Variants in PCNT observed in about 807,000 individuals in gnomAD.
PCNT encodes the protein kendrin.
In PCNT, 319 loss-of-function variants were observed where a neutral mutation model predicts 380.4. The ratio of observed to expected loss-of-function variants is 0.84; its 90% CI spans 0.77 to 0.92. The LOEUF is 0.92. PCNT is among the 40% of genes least tolerant of loss of function. The pLI is 0.00. For synonymous variants in PCNT, 1,845 were observed against 1,735.2 expected (o/e 1.06, Z -1.57); for missense variants, 4,400 against 4,255.3 (o/e 1.03, Z -0.95).
At chr21:46,352,476 C>G (rs1036155789) in intron 9 of PCNT, among the ~76,000 whole-genome samples, 25 of 152,156 alleles carry the variant, frequency 1.6e-4, no homozygotes, top group Non-Finnish European at 1.2e-4. Flanking sequence ...TCTGTCCTGC[C>G]TCTCGGGACC....
At chr21:46,426,083 T>TTC (rs2147911309) in intron 33 of PCNT, 112 bp downstream of exon 33, 3 of 1,076,838 alleles carry the variant, frequency 2.8e-6, no homozygotes, top group East Asian at 2.6e-5. Context: ...TTTTTTTTTT[T>TTC]TTTTTTTTTT....
intron 27 of PCNT, among the ~76,000 whole-genome samples, chr21:46,410,142 G>A (rs1356525247): frequency 6.6e-5 from 10 of 152,238 alleles, no homozygotes; most frequent in East Asian, 3.8e-4. Flanking sequence ...TAAGGCACGC[G>A]ACGGGGAGCA....
chr21:46,420,114 G>A (rs993732171), intron 31 of PCNT, among the ~76,000 whole-genome samples: 18 of 152,072 alleles, frequency 1.2e-4, no homozygotes, highest in South Asian at 2.1e-4. Flanking sequence ...AGGGGCCTGC[G>A]CGGTCAGGGT....
chr21:46,427,345 G>A (rs986997415), intron 33 of PCNT, among the ~76,000 whole-genome samples: 11 of 152,222 alleles, frequency 7.2e-5, no homozygotes, highest in Non-Finnish European at 4.4e-5. Context: ...TTAAACAGCA[G>A]ACATTGATTT....
rs773387974 is a variant in PCNT at position 46,334,665 on chromosome 21, C to T, written c.536C>T (p.Pro179Leu). 84 of 1,605,788 alleles carry T rather than the reference C, an allele frequency of 5.2e-5. 1 individual carries two copies. Among genetic ancestry groups the T allele is most frequent in the South Asian group, 2.3e-4 (21 of 90,192 alleles). ...RGMFTISDHQ[P>L]EQRGMFTVSD... ...ATGTTCACAATCAGTGACCACCAAC[C>T]GGAACAGCGTGGGATGTTCACAGTC... The change falls in exon 3 of 47, where the codon CCG becomes CTG. Residue 179 changes from proline to leucine, a missense_variant. By Grantham distance (98) the Pro-to-Leu change is moderately conservative. Coordinates refer to ENST00000359568, the MANE Select transcript of PCNT (RefSeq NM_006031.6).
chr21:46,393,374 C>T (rs1354253841), intron 21 of PCNT, among the ~76,000 whole-genome samples: 1 of 152,178 alleles, frequency 6.6e-6, no homozygotes, highest in Admixed American at 6.5e-5. Context: ...GCATCTTTGC[C>T]CTGGCGGTGC....
At chr21:46,427,194 G>A (rs2087544374) in intron 33 of PCNT, among the ~76,000 whole-genome samples, 2 of 152,248 alleles carry the variant, frequency 1.3e-5, no homozygotes, top group African/African-American at 4.8e-5. Context: ...AGTCTCTTCT[G>A]TGCTCATGAT....
At chr21:46,334,861 T>G in intron 3 of PCNT, 93 bp downstream of exon 3, 1 of 1,577,360 alleles carries the variant, frequency 6.3e-7, no homozygotes, top group Non-Finnish European at 8.7e-7. Flanking sequence ...CTTCCATCTC[T>G]GCAGGGCCTC....
chr21:46,368,568 C>T (rs1315867974), intron 15 of PCNT, among the ~76,000 whole-genome samples: 2 of 152,246 alleles, frequency 1.3e-5, no homozygotes, highest in Non-Finnish European at 1.5e-5. Flanking sequence ...AGCTGCAGTG[C>T]CTGTGACTCA....
chr21:46,373,513 C>T (rs2085224779), intron 15 of PCNT, among the ~76,000 whole-genome samples: 1 of 146,716 alleles, frequency 6.8e-6, no homozygotes, highest in South Asian at 2.2e-4. Context: ...CTCACTGCAA[C>T]CTCTGCCTCC....
At chr21:46,410,867 C>T (rs899117814) in intron 27 of PCNT, among the ~76,000 whole-genome samples, 1 of 152,164 alleles carries the variant, frequency 6.6e-6, no homozygotes, top group Admixed American at 6.6e-5. Flanking sequence ...TCAAACAAAT[C>T]AAAGTTGTTT....
intron 13 of PCNT, among the ~76,000 whole-genome samples, chr21:46,358,329 C>T (rs2084554857): frequency 6.6e-6 from 1 of 152,224 alleles, no homozygotes; most frequent in Non-Finnish European, 1.5e-5. Flanking sequence ...CTTTGCTCCT[C>T]CCTGTGAATG....
chr21:46,408,531 G>A (rs577964097), intron 27 of PCNT, among the ~76,000 whole-genome samples: 59 of 152,184 alleles, frequency 3.9e-4, no homozygotes, highest in Non-Finnish European at 8.4e-4. Flanking sequence ...ATAGATGAGT[G>A]TTCCGGGTAA....
rs1360332682 is a variant in PCNT at position 46,427,666 on chromosome 21, G to A, written c.7365G>A (p.Gln2455=). ...ACPDWRGDLL[Q]VVQEAFEKEQ... ...CCGATTGGAGAGGGGACCTTCTGCA[G>A]GTTGTGCAAGAGGCCTTTGAAAAAG... Residue 2455 remains glutamine (Q), a synonymous_variant, in exon 34 of 47, where the codon CAG becomes CAA. Coordinates refer to ENST00000359568, the MANE Select transcript of PCNT (RefSeq NM_006031.6). 6.2e-7 allele frequency: 1 copy of A among 1,614,002 alleles called. No homozygotes were observed. Among genetic ancestry groups the A allele is most frequent in the Admixed American group, 1.7e-5 (1 of 60,034 alleles).
rs186112058 is a variant in PCNT at position 46,366,855 on chromosome 21, G to C, written c.2881G>C (p.Glu961Gln). The change falls in exon 15 of 47, where the codon GAG becomes CAG. Residue 961 changes from glutamate to glutamine, a missense_variant. Glu to Gln is a conservative substitution (Grantham distance 29). Coordinates refer to ENST00000359568, the MANE Select transcript of PCNT (RefSeq NM_006031.6). ...ACACGCTGCCGACCTCGGCGCTCTG[G>C]AGACCAGACATCTGTCCAGCCTTGA... ...TKHAADLGAL[E>Q]TRHLSSLDSL... 3.4e-5 allele frequency: 55 copies of C among 1,614,104 alleles called. No homozygotes were observed. The highest frequency in any genetic ancestry group is 4.5e-5 in the Non-Finnish European group (53 of 1,180,058).
At chr21:46,330,872 A>G (rs2083537852) in intron 2 of PCNT, among the ~76,000 whole-genome samples, 1 of 152,232 alleles carries the variant, frequency 6.6e-6, no homozygotes, top group South Asian at 2.1e-4. Flanking sequence ...GGAGATCAGG[A>G]ATCCTCAAGG....
At chr21:46,373,729 CTT>C (rs57604484) in intron 15 of PCNT, among the ~76,000 whole-genome samples, 3,020 of 62,770 alleles carry the variant, frequency 0.048, 17 homozygotes, top group Non-Finnish European at 0.056. Flanking sequence ...CCAGCCTTAG[CTT>C]TTTTTTTTTT....
At chr21:46,426,042 G>C (rs1233987668) in intron 33 of PCNT, 71 bp downstream of exon 33, 4 of 1,367,120 alleles carry the variant, frequency 2.9e-6, no homozygotes, top group African/African-American at 3.2e-5. Context: ...CGCGTCCTTA[G>C]GGCCACGTGG....
chr21:46,343,275 G>T (rs954285138), intron 3 of PCNT, among the ~76,000 whole-genome samples: 1 of 152,184 alleles, frequency 6.6e-6, no homozygotes. Context: ...AATGTTGGCT[G>T]TGGGTTTGTC....
Sources: gnomAD v4.1 joint callset for allele counts (sites outside exome capture counted in the v4.1 genomes callset) on GRCh38, gnomAD v4.1.1 for gene constraint, MANE v1.5 for transcripts, NCBI Gene and HGNC (gene_info 2026-07-23, HGNC 2026-07-21) for gene names.